Variants in CEP128 observed in about 807,000 individuals in gnomAD.
CEP128 encodes the protein centrosomal protein 128.
CEP128 carries 132 observed loss-of-function variants against 156.7 expected under a neutral mutation model. That is an observed-to-expected ratio of 0.84 (90% CI 0.73 to 0.97). The LOEUF (loss-of-function observed/expected upper bound fraction) is 0.97. Ranked by LOEUF, CEP128 falls within the 50% of genes least tolerant of loss-of-function variation. The probability of loss-of-function intolerance (pLI) is 0.00; values close to 1 mark genes in which losing one functional copy is unlikely to be tolerated. For synonymous variants in CEP128, 469 were observed against 448.9 expected, an observed-to-expected ratio of 1.04 and a Z score of -0.57; for missense variants, 1,252 against 1,281.9, an observed-to-expected ratio of 0.98 and a Z score of 0.36.
chr14:80,796,823 C>A lies in CEP128; in HGVS notation c.1210-3713G>T, dbSNP rs903237006. 3.9e-5 allele frequency among the ~76,000 whole-genome samples: 6 copies of A among 152,278 alleles called. No homozygotes were observed. In the East Asian group the frequency reaches 1.2e-3, roughly 29 times the overall value. ...TATCTAATGGCTTCATAACTTTCTA[C>A]ACTTAGAAATCTCACAGGCATCTTA... On this transcript the variant is annotated intron_variant, in intron 13 of 24. Transcript: ENST00000555265.
chr14:80,872,453 T>C (rs889341840), intron 8 of CEP128, among the ~76,000 whole-genome samples: 1 of 152,062 alleles, frequency 6.6e-6, no homozygotes, highest in Admixed American at 6.5e-5. Context: ...CAAAGAAAAA[T>C]GTGTTCCATA....
At chr14:80,765,437 G>A (rs972567865) in intron 16 of CEP128, among the ~76,000 whole-genome samples, 2 of 152,146 alleles carry the variant, frequency 1.3e-5, no homozygotes, top group Admixed American at 1.3e-4. Flanking sequence ...CACTATTAAG[G>A]CTATTCCCTG....
intron 19 of CEP128, among the ~76,000 whole-genome samples, chr14:80,599,202 A>G (rs1276559702): frequency 6.6e-6 from 1 of 151,848 alleles, no homozygotes; most frequent in Non-Finnish European, 1.5e-5. Context: ...TTTGAGGTTA[A>G]CACCTCAACA....
Position 80,796,384 on chromosome 14 carries a change from C to G in CEP128, c.1210-3274G>C, listed in dbSNP as rs145734049. On this transcript the variant is annotated intron_variant, in intron 13 of 24. Coordinates refer to ENST00000555265, the MANE Select transcript of CEP128 (RefSeq NM_152446.5). ...CTGAGGCATAAGAACAGCTTGAACCCAGGAGGTGGAGTTTGCAGTGAACTG... is the reference window on the plus strand; with the variant it reads ...CTGAGGCATAAGAACAGCTTGAACCGAGGAGGTGGAGTTTGCAGTGAACTG... Among the ~76,000 whole-genome samples, 835 of 151,982 alleles carry G rather than the reference C, an allele frequency of 5.5e-3. 5 individuals are homozygous for G. The highest frequency in any genetic ancestry group is 0.019 in the African/African-American group (777 of 41,448).
chr14:80,925,069 T>C (rs10140915), intron 2 of CEP128, among the ~76,000 whole-genome samples: 24,520 of 152,074 alleles, frequency 0.16, 3,706 homozygotes, highest in African/African-American at 0.41. Context: ...AAAGAGCTTT[T>C]AGGAGAACAT....
intron 14 of CEP128, among the ~76,000 whole-genome samples, chr14:80,479,541 CGGGAAAGATA>C (rs1887010766): frequency 6.6e-6 from 1 of 152,148 alleles, no homozygotes; most frequent in Non-Finnish European, 1.5e-5. Context: ...GAGAATATCA[CGGGAAAGATA>C]GGCCCCCATG....
At chr14:80,946,168 C>T (rs1229865361), upstream of CEP128, among the ~76,000 whole-genome samples, 1 of 152,142 alleles carries the variant, frequency 6.6e-6, no homozygotes, top group East Asian at 1.9e-4. Flanking sequence ...GTGTCTAATT[C>T]ATGGTAAGCA....
At chr14:80,748,241 C>T (rs891871220) in intron 18 of CEP128, among the ~76,000 whole-genome samples, 1 of 152,134 alleles carries the variant, frequency 6.6e-6, no homozygotes, top group Non-Finnish European at 1.5e-5. Context: ...AAGCCTACTT[C>T]GCTTCTCAAT....
At chr14:80,830,752 C>T (rs1400764051) in intron 13 of CEP128, 1 of 189,788 alleles carries the variant, frequency 5.3e-6, no homozygotes, top group Non-Finnish European at 1.1e-5. Context: ...TTATTGGTAA[C>T]ACCTTTTCAC....
At chr14:80,936,205 G>A (rs1885798152) in intron 2 of CEP128, among the ~76,000 whole-genome samples, 1 of 152,164 alleles carries the variant, frequency 6.6e-6, no homozygotes, top group African/African-American at 2.4e-5. Flanking sequence ...AGCAAACCCT[G>A]TATGCAGAGT....
chr14:80,629,053 GA>G (rs11289797), intron 19 of CEP128, among the ~76,000 whole-genome samples: 119,630 of 144,254 alleles, frequency 0.83, 49,341 homozygotes, highest in East Asian at 0.93. Context: ...GCCTGTTTAA[GA>G]AAAAAAAAAA....
At chr14:80,864,714 GC>G (rs1887684085) in intron 8 of CEP128, among the ~76,000 whole-genome samples, 1 of 151,914 alleles carries the variant, frequency 6.6e-6, no homozygotes, top group East Asian at 1.9e-4. Context: ...CTGCCACCAC[GC>G]CTGGCTAATT....
At position 80,499,933 on chromosome 14, in the gene CEP128, G is replaced by A. The variant is rs1442841716; in HGVS notation, c.3182-2351C>T. On this transcript the variant is annotated intron_variant, in intron 24 of 24. Transcript: ENST00000555265. ...TGGAATCCAAGTCTTCTAAAAGAGTGTCCTGACTCACGGCCATAACTTCCA... is the reference window on the plus strand; with the variant it reads ...TGGAATCCAAGTCTTCTAAAAGAGTATCCTGACTCACGGCCATAACTTCCA... 2.0e-5 allele frequency among the ~76,000 whole-genome samples: 3 copies of A among 152,326 alleles called. No homozygotes were observed. The East Asian group carries it at 5.8e-4, about 29-fold the overall frequency.
chr14:80,666,329 C>G (rs74630276), intron 19 of CEP128, among the ~76,000 whole-genome samples: 1 of 152,120 alleles, frequency 6.6e-6, no homozygotes, highest in African/African-American at 2.4e-5. Flanking sequence ...CTGCCTTGTG[C>G]GAATTGGAGT....
At chr14:80,750,254 G>T (rs956732693) in intron 18 of CEP128, among the ~76,000 whole-genome samples, 12 of 152,176 alleles carry the variant, frequency 7.9e-5, no homozygotes, top group South Asian at 2.1e-4. Context: ...ATAATAAAAT[G>T]CAACACTTTT....
chr14:80,876,458 A>T (rs1008366100), intron 8 of CEP128, among the ~76,000 whole-genome samples: 1 of 152,024 alleles, frequency 6.6e-6, no homozygotes, highest in Non-Finnish European at 1.5e-5. Flanking sequence ...TTAGCTGGAC[A>T]TGGTGGCACA....
At chr14:80,487,496 GA>G (rs1267172858), downstream of CEP128, among the ~76,000 whole-genome samples, 12 of 152,116 alleles carry the variant, frequency 7.9e-5, no homozygotes, top group Non-Finnish European at 1.6e-4. Flanking sequence ...GGATACCCAG[GA>G]ATTGAACTCA....
At chr14:80,698,631 A>G (rs1268728930) in intron 19 of CEP128, among the ~76,000 whole-genome samples, 1 of 152,184 alleles carries the variant, frequency 6.6e-6, no homozygotes, top group Non-Finnish European at 1.5e-5. Context: ...CACTTTTCAA[A>G]AATTAAAGGA....
chr14:80,739,834 C>T (rs911549916), intron 19 of CEP128, among the ~76,000 whole-genome samples: 18 of 152,092 alleles, frequency 1.2e-4, no homozygotes, highest in African/African-American at 4.3e-4. Flanking sequence ...AAATGTAATA[C>T]ATAACTGAAA....
Sources: gnomAD v4.1 joint callset for allele counts (sites outside exome capture counted in the v4.1 genomes callset) on GRCh38, gnomAD v4.1.1 for gene constraint, MANE v1.5 for transcripts, NCBI Gene and HGNC (gene_info 2026-07-23, HGNC 2026-07-21) for gene names.